The following COPS2 variants were observed in gnomAD, a reference collection of about 807,000 sequenced individuals.
The protein encoded by COPS2 is COP9 signalosome subunit 2.
Under a neutral mutation model 66.1 loss-of-function variants are expected in COPS2, and 10 were observed. The observed-to-expected ratio is 0.15, with a 90% CI of 0.09 to 0.26. The LOEUF is 0.26. COPS2 is among the 10% of genes least tolerant of loss of function. The probability of loss-of-function intolerance (pLI) is 1.00; values close to 1 mark genes in which losing one functional copy is unlikely to be tolerated. For missense variants in COPS2, 215 were observed against 513.3 expected, an observed-to-expected ratio of 0.42 and a Z score of 5.62; for synonymous variants, 179 against 171.3, an observed-to-expected ratio of 1.04 and a Z score of -0.35.
chr15:49,151,333 G>A (rs2084359585), intron 1 of COPS2, among the ~76,000 whole-genome samples: 2 of 151,376 alleles, frequency 1.3e-5, no homozygotes, highest in South Asian at 4.2e-4. Flanking sequence ...CCAGAAGGTG[G>A]AGGTTGCAGT....
intron 1 of COPS2, among the ~76,000 whole-genome samples, chr15:49,153,019 A>C (rs694882): frequency 6.6e-6 from 1 of 151,864 alleles, no homozygotes; most frequent in African/African-American, 2.4e-5. Context: ...AAAGATGATC[A>C]TCAGCTTGAT....
chr15:49,131,220 C>T (rs991020719), intron 9 of COPS2, among the ~76,000 whole-genome samples: 1 of 151,992 alleles, frequency 6.6e-6, no homozygotes, highest in African/African-American at 2.4e-5. Flanking sequence ...GCTTCATGTA[C>T]ACTACATGAA....
chr15:49,149,030 T>G (rs2084340317), intron 1 of COPS2, among the ~76,000 whole-genome samples: 1 of 152,192 alleles, frequency 6.6e-6, no homozygotes, highest in Non-Finnish European at 1.5e-5. Flanking sequence ...GAAATTTTAA[T>G]TAGTATATAA....
chr15:49,122,830 C>T lies in COPS2; in HGVS notation c.*5120G>A, dbSNP rs550323044. 13 of 152,324 alleles carry T rather than the reference C, an allele frequency of 8.5e-5. No individual in the cohort carries two copies. The highest frequency in any genetic ancestry group is 3.1e-4 in the African/African-American group (13 of 41,584). The allele number at this position is 152,324 out of a possible 1,614,324, so 9.4% of individuals were successfully genotyped here. ...ACAGCATCTTATGACACATCCTGCACATATAATCAGTTCTCAATTATTAAT... is the reference window on the plus strand; with the variant it reads ...ACAGCATCTTATGACACATCCTGCATATATAATCAGTTCTCAATTATTAAT... On this transcript the variant is annotated 3_prime_UTR_variant, in exon 13 of 13. Transcript: ENST00000388901.
chr15:49,133,909 T>C (rs761310777), intron 8 of COPS2, 21 bp downstream of exon 8: 1 of 1,578,250 alleles, frequency 6.3e-7, no homozygotes, highest in South Asian at 1.2e-5. Flanking sequence ...TAAGAGAAAT[T>C]AACAATTAAA....
At chr15:49,139,263 A>G in intron 4 of COPS2, 1 of 325,588 alleles carries the variant, frequency 3.1e-6, no homozygotes, top group Non-Finnish European at 5.6e-6. Context: ...ACTGTATAGG[A>G]GTCTAACATA....
intron 1 of COPS2, among the ~76,000 whole-genome samples, chr15:49,151,782 T>C (rs760802861): frequency 7.2e-5 from 11 of 152,048 alleles, no homozygotes; most frequent in Non-Finnish European, 1.5e-4. Flanking sequence ...TGCATGTATG[T>C]TGAATTTCTT....
chr15:49,140,207 C>G (rs891668497), intron 3 of COPS2, among the ~76,000 whole-genome samples: 2 of 151,498 alleles, frequency 1.3e-5, no homozygotes, highest in African/African-American at 2.4e-5. Flanking sequence ...GTTGGTCAGG[C>G]TGGTCTTGAA....
intron 1 of COPS2, among the ~76,000 whole-genome samples, chr15:49,147,725 CAAAAAAAA>C (rs34315247): frequency 2.1e-5 from 2 of 94,832 alleles, no homozygotes; most frequent in African/African-American, 8.7e-5. Flanking sequence ...GTTACAACTC[CAAAAAAAA>C]AAAAAAAAAA....
chr15:49,152,992 T>A (rs1471579479), intron 1 of COPS2, among the ~76,000 whole-genome samples: 2 of 152,226 alleles, frequency 1.3e-5, no homozygotes, highest in Non-Finnish European at 2.9e-5. Context: ...TCACTGCTAT[T>A]GCTACATTAC....
At chr15:49,130,602 T>C (rs189989339) in intron 10 of COPS2, 117 bp downstream of exon 10, 19 of 567,820 alleles carry the variant, frequency 3.3e-5, no homozygotes, top group African/African-American at 3.2e-4. Flanking sequence ...TAGAAACATA[T>C]CTATACTTTG....
intron 1 of COPS2, 107 bp downstream of exon 1, chr15:49,155,418 G>A: frequency 3.0e-6 from 3 of 985,714 alleles, no homozygotes; most frequent in East Asian, 2.4e-5. Context: ...CACTGAGAGA[G>A]GCTGTAAACG....
intron 6 of COPS2, among the ~76,000 whole-genome samples, chr15:49,135,770 C>T (rs187003813): frequency 6.6e-6 from 1 of 152,274 alleles, no homozygotes; most frequent in East Asian, 1.9e-4. Context: ...ATACAATATA[C>T]AAAACAATTT....
At chr15:49,132,103 T>G (rs1252078419) in intron 9 of COPS2, among the ~76,000 whole-genome samples, 2 of 152,198 alleles carry the variant, frequency 1.3e-5, no homozygotes, top group Non-Finnish European at 2.9e-5. Context: ...TCCTCAATAT[T>G]TCTTAGAGTT....
intron 6 of COPS2, among the ~76,000 whole-genome samples, chr15:49,135,009 G>A (rs528094955): frequency 2.0e-5 from 3 of 152,200 alleles, no homozygotes; most frequent in Admixed American, 6.5e-5. Context: ...TTACTATACA[G>A]ACATACCTAT....
rs1482252476 is a variant in COPS2, at chr15:49,125,801, G to T, written c.*2149C>A. ...TTATTATGGTATAACTTTGGATACT[G>T]TTATATATTTAGCCCAGTTTTCCAA... On this transcript the variant is annotated 3_prime_UTR_variant, in exon 13 of 13. Transcript: ENST00000388901. 1 of 152,072 alleles carries T rather than the reference G, an allele frequency of 6.6e-6. No individual in the cohort carries two copies. The highest frequency in any genetic ancestry group is 1.5e-5 in the Non-Finnish European group (1 of 67,932). 9.4% of individuals were successfully genotyped at this position (152,072 alleles called of 1,614,324 possible).
intron 9 of COPS2, among the ~76,000 whole-genome samples, chr15:49,133,288 T>A (rs2084227846): frequency 6.6e-6 from 1 of 152,212 alleles, no homozygotes; most frequent in African/African-American, 2.4e-5. Flanking sequence ...ACGCCCAGCC[T>A]ATCCATTGTA....
At chr15:49,131,813 C>T (rs1189308012) in intron 9 of COPS2, among the ~76,000 whole-genome samples, 1 of 152,106 alleles carries the variant, frequency 6.6e-6, no homozygotes, top group African/African-American at 2.4e-5. Context: ...AACCGTAAGA[C>T]ATTCTTCCAT....
Position 49,127,959 on chromosome 15 carries a change from T to G in COPS2, c.1323A>C (p.Lys441Asn). The change falls in exon 13 of 13, where the codon AAA (lysine) becomes AAC (asparagine). Residue 441 changes from lysine (K) to asparagine (N), a missense_variant. Physicochemically the swap from Lys to Asn is moderately conservative, Grantham distance 94 (BLOSUM62 0). This residue lies in a region of COPS2 where 42 missense variants were observed against 55.9 expected (regional missense o/e 0.75). Transcript: ENST00000388901. ...AAAAGCTTGTTCTCTGTTAAGCCAG[T>G]TTACTGACTACAGCCTGGTTGAGAG... ...LNSLNQAVVS[K>N]LA 6.2e-7 allele frequency: 1 copy of G among 1,613,864 alleles called. No individual in the cohort carries two copies. The highest frequency in any genetic ancestry group is 1.3e-5 in the African/African-American group (1 of 75,026).
Sources: allele counts gnomAD v4.1 joint callset (sites outside exome capture counted in the v4.1 genomes callset), GRCh38; gene constraint gnomAD v4.1.1; regional missense constraint gnomAD v4.1.1; transcripts MANE v1.5; gene names NCBI Gene and HGNC (gene_info 2026-07-23, HGNC 2026-07-21).